Variants in PMFBP1 observed in about 807,000 individuals in gnomAD.
PMFBP1 encodes the protein polyamine modulated factor 1 binding protein 1, also known as polyamine-modulated factor 1-binding protein 1.
A neutral mutation model predicts 137.8 loss-of-function variants in PMFBP1; 131 were observed. That is an observed-to-expected ratio of 0.95 (90% CI 0.82 to 1.10). PMFBP1 has a LOEUF of 1.10. Among genes scored for constraint, PMFBP1 ranks in the 50% least tolerant of loss-of-function variants. PMFBP1 has a pLI of 0.00. For synonymous variants in PMFBP1, 490 were observed against 450.4 expected (o/e 1.09, Z -1.11); for missense variants, 1,199 against 1,175.4 (o/e 1.02, Z -0.29).
At chr16:72,213,716 G>T in the PMFBP1 span, among the ~76,000 whole-genome samples, 1 of 152,134 alleles carries the variant, frequency 6.6e-6, no homozygotes, top group African/African-American at 2.4e-5. Context: ...AATGTTTTGG[G>T]GACAATTTGT....
Position 72,128,757 on chromosome 16 carries a change from T to A in PMFBP1, c.1988A>T (p.Glu663Val), listed in dbSNP as rs1297202435. The A allele has an allele frequency of 1.9e-6, 3 of 1,614,188 alleles. No individual in the cohort carries two copies. The highest frequency in any genetic ancestry group is 1.7e-5 in the Admixed American group (1 of 60,020). ...ENSRKLEEEN[E>V]NLRAELQCCS... is the part of the protein sequence containing the mutation. ...ACACTGTAGCTCTGCTCGGAGATTC[T>A]CATTTTCTTCCTCCAACTTTCTGGA... Residue 663 changes from glutamate to valine, a missense_variant, in exon 14 of 21, where the codon GAG (glutamate) becomes GTG (valine). By Grantham distance (121) the Glu-to-Val change is moderately radical. Transcript: ENST00000237353.
Position 72,130,687 on chromosome 16 carries a change from G to GT in PMFBP1, c.1482dup (p.Leu495ThrfsTer45). Reference sequence around the variant, plus strand: ...GTGTCCTCCAGGTGACAGCCTGCCAGTGCAGCCTCTTCTTTGCACTGGGCT... The same window carrying GT: ...GTGTCCTCCAGGTGACAGCCTGCCAGTTGCAGCCTCTTCTTTGCACTGGGCT... On this transcript the variant is annotated frameshift_variant, in exon 11 of 21. Transcript: ENST00000237353. LOFTEE classifies it high-confidence loss of function. The GT allele has an allele frequency of 6.2e-7, 1 of 1,613,532 alleles. No individual in the cohort carries two copies. The highest frequency in any genetic ancestry group is 1.3e-5 in the African/African-American group (1 of 74,998).
At chr16:72,238,809 T>C in the PMFBP1 span, among the ~76,000 whole-genome samples, 1 of 152,194 alleles carries the variant, frequency 6.6e-6, no homozygotes. Flanking sequence ...CCAGAGGTGA[T>C]CTTGCTCCCC....
At chr16:72,128,493 A>G in intron 14 of PMFBP1, 164 bp downstream of exon 14, 2 of 1,545,740 alleles carry the variant, frequency 1.3e-6, no homozygotes, top group East Asian at 2.4e-5. Context: ...TGGCTCAGCA[A>G]CCAGGTGCCA....
chr16:72,217,201 C>T, the PMFBP1 span, among the ~76,000 whole-genome samples: 1 of 152,150 alleles, frequency 6.6e-6, no homozygotes, highest in Non-Finnish European at 1.5e-5. Context: ...GGTTTAACAA[C>T]TGACCCTCCA....
rs763175229 is a variant in PMFBP1 at position 72,124,766 on chromosome 16, C to T, written c.2589+1G>A. 1 of 1,613,332 alleles carries T rather than the reference C, an allele frequency of 6.2e-7. No individual in the cohort carries two copies. Among genetic ancestry groups the T allele is most frequent in the Non-Finnish European group, 8.5e-7 (1 of 1,179,522 alleles). The stretch of plus-strand genomic sequence containing the variant: ...GCACGCAGAAGCCAAGGCATGCCCA[C>T]CTCCTTATCGTCCTCAAGGAGGTTC... On this transcript the variant is annotated splice_donor_variant, in intron 17 of 20. Transcript: ENST00000237353. LOFTEE classifies it high-confidence loss of function.
upstream of PMFBP1, among the ~76,000 whole-genome samples, chr16:72,181,473 C>A (rs1219829515): frequency 2.0e-5 from 3 of 152,120 alleles, no homozygotes; most frequent in Admixed American, 2.0e-4. Context: ...GTCCACTTTT[C>A]AAACATCTGA....
At chr16:72,133,602 C>T (rs974451309) in intron 9 of PMFBP1, among the ~76,000 whole-genome samples, 2 of 152,192 alleles carry the variant, frequency 1.3e-5, no homozygotes, top group Admixed American at 1.3e-4. Context: ...GATCCTCCCA[C>T]CTCAGTCTCC....
intron 2 of PMFBP1, among the ~76,000 whole-genome samples, chr16:72,169,291 A>T (rs2043187909): frequency 6.6e-6 from 1 of 152,220 alleles, no homozygotes; most frequent in Admixed American, 6.5e-5. Flanking sequence ...CTTAAAAACT[A>T]ATATTGATTC....
chr16:72,194,049 C>T, the PMFBP1 span, among the ~76,000 whole-genome samples: 1 of 149,544 alleles, frequency 6.7e-6, no homozygotes, highest in East Asian at 2.0e-4. Context: ...CCCCTGATCT[C>T]TTGGAGCCTT....
At chr16:72,234,452 G>A in the PMFBP1 span, among the ~76,000 whole-genome samples, 2 of 152,088 alleles carry the variant, frequency 1.3e-5, no homozygotes, top group South Asian at 2.1e-4. Flanking sequence ...CACACCCTTG[G>A]TTAGAGAATT....
chr16:72,184,163 TTCTTCCTGG>T, the PMFBP1 span, among the ~76,000 whole-genome samples: 2 of 152,186 alleles, frequency 1.3e-5, no homozygotes, highest in Non-Finnish European at 1.5e-5. Context: ...TGGTCCCAGG[TTCTTCCTGG>T]TCTTCCTGGT....
chr16:72,238,968 C>A, the PMFBP1 span, among the ~76,000 whole-genome samples: 1 of 152,016 alleles, frequency 6.6e-6, no homozygotes, highest in South Asian at 2.1e-4. Context: ...AAATAATTAT[C>A]CTGTCAATTC....
At chr16:72,226,723 C>T in the PMFBP1 span, among the ~76,000 whole-genome samples, 2 of 152,048 alleles carry the variant, frequency 1.3e-5, no homozygotes, top group Non-Finnish European at 2.9e-5. Flanking sequence ...AACAAACAAA[C>T]AAACAACAAT....
At chr16:72,207,204 G>A in the PMFBP1 span, among the ~76,000 whole-genome samples, 2 of 152,106 alleles carry the variant, frequency 1.3e-5, no homozygotes, top group Admixed American at 1.3e-4. Context: ...AAGATGGAGA[G>A]GCCAATGAGA....
chr16:72,124,390 T>G (rs1185300514), intron 17 of PMFBP1, among the ~76,000 whole-genome samples: 1 of 152,218 alleles, frequency 6.6e-6, no homozygotes, highest in Non-Finnish European at 1.5e-5. Context: ...TGAACTTCAC[T>G]GCTCAGGGAG....
chr16:72,206,721 G>A, the PMFBP1 span, among the ~76,000 whole-genome samples: 221 of 152,194 alleles, frequency 1.5e-3, 1 homozygote, highest in African/African-American at 5.1e-3. Context: ...ATCGCTTCCC[G>A]GCGCACTGCT....
intron 9 of PMFBP1, among the ~76,000 whole-genome samples, 171 bp from the exon 10 acceptor site, chr16:72,133,162 G>A (rs984440684): frequency 2.0e-5 from 3 of 152,052 alleles, no homozygotes. Flanking sequence ...ACGCAGTTGA[G>A]AGAGGGAGTC....
At chr16:72,236,076 G>C in the PMFBP1 span, among the ~76,000 whole-genome samples, 404 of 152,212 alleles carry the variant, frequency 2.7e-3, 2 homozygotes, top group South Asian at 7.9e-3. Context: ...CTGATCTTAG[G>C]GGGAATGCAT....
Sources: gnomAD v4.1 joint callset for allele counts (sites outside exome capture counted in the v4.1 genomes callset) on GRCh38, gnomAD v4.1.1 for gene constraint, MANE v1.5 for transcripts, NCBI Gene and HGNC (gene_info 2026-07-23, HGNC 2026-07-21) for gene names.